Variants in DNAJA4 observed in about 807,000 individuals in gnomAD.
The protein encoded by DNAJA4 is dnaJ homolog subfamily A member 4.
Under a neutral mutation model 39.7 loss-of-function variants are expected in DNAJA4, and 32 were observed. The observed-to-expected ratio is 0.81, with a 90% CI of 0.61 to 1.08. DNAJA4 has a LOEUF of 1.08. Among genes scored for constraint, DNAJA4 ranks in the 50% least tolerant of loss-of-function variants. The pLI is 0.00. For missense variants in DNAJA4, 439 were observed against 505.1 expected (o/e 0.87, Z 1.25); for synonymous variants, 184 against 182.4 (o/e 1.01, Z -0.07).
intron 1 of DNAJA4, chr15:78,265,507 CA>C: frequency 2.8e-6 from 2 of 702,380 alleles, no homozygotes; most frequent in Admixed American, 4.0e-5. Context: ...AACCTGACAT[CA>C]GCTTGTACTC....
In DNAJA4 at chr15:78,279,973, C is replaced by G. The variant is rs570620349; in HGVS notation, c.878-72C>G. ...GGGGCACTAGGGCCTGCCGCAGGCTCTCCCATGAGGGAGAACGACCTCTGC... is the reference window on the plus strand; with the variant it reads ...GGGGCACTAGGGCCTGCCGCAGGCTGTCCCATGAGGGAGAACGACCTCTGC... On this transcript the variant is annotated intron_variant, in intron 5 of 6. Transcript: ENST00000394852. The surrounding 1 kb of genome is among the most constrained non-coding windows in gnomAD (Gnocchi z 4.5). 25 of 1,465,888 alleles carry G rather than the reference C, an allele frequency of 1.7e-5. 1 individual carries two copies. The African/African-American group carries it at 2.9e-4, about 17-fold the overall frequency. The allele number at this position is 1,465,888 out of a possible 1,614,324, so 90.8% of individuals were successfully genotyped here. A position where few individuals can be genotyped will look rare whatever the true frequency, so the allele number is the denominator to read the frequency against.
At chr15:78,276,392 G>A (rs368354600) in intron 5 of DNAJA4, among the ~76,000 whole-genome samples, 1 of 152,212 alleles carries the variant, frequency 6.6e-6, no homozygotes, top group South Asian at 2.1e-4. Context: ...CCTCTAGGCC[G>A]AAAGGGTTCC....
Position 78,264,624 on chromosome 15 carries a change from A to AAGC in DNAJA4, c.-139_-137dup. On this transcript the variant is annotated 5_prime_UTR_variant, in exon 1 of 7. Transcript: ENST00000394852. ...GGGGCGGGGGGCGGGCGGGAGCTAC[A>AAGC]AGCGGCGGCGGCGGCGGCGACCGTG... is the stretch of plus-strand genomic sequence containing the variant. The AAGC allele has an allele frequency of 1.1e-6, 1 of 947,522 alleles. No homozygotes were observed. The highest frequency in any genetic ancestry group is 5.0e-5 in the South Asian group (1 of 19,960). 58.7% of individuals were successfully genotyped at this position (947,522 alleles called of 1,614,324 possible).
chr15:78,274,574 C>T, intron 4 of DNAJA4, 150 bp downstream of exon 4: 2 of 708,288 alleles, frequency 2.8e-6, no homozygotes, highest in Non-Finnish European at 4.8e-6. Context: ...CCAGTCTTCT[C>T]TTCACCCTTC....
chr15:78,266,379 G>A (rs879128262), intron 1 of DNAJA4: 22 of 1,209,410 alleles, frequency 1.8e-5, no homozygotes, highest in Non-Finnish European at 2.5e-5. Flanking sequence ...GACTTGACCT[G>A]TACTACATAT....
intron 2 of DNAJA4, among the ~76,000 whole-genome samples, 188 bp downstream of exon 2, chr15:78,270,865 C>A (rs559526563): frequency 6.6e-6 from 1 of 151,852 alleles, no homozygotes; most frequent in Non-Finnish European, 1.5e-5. Context: ...CAAGACCAAC[C>A]GGGGCAACAT....
At chr15:78,278,575 C>T (rs1320870204) in intron 5 of DNAJA4, among the ~76,000 whole-genome samples, 3 of 152,202 alleles carry the variant, frequency 2.0e-5, no homozygotes, top group East Asian at 1.9e-4. Flanking sequence ...AGGAAAGGTG[C>T]AGTAAAAGTT....
intron 1 of DNAJA4, among the ~76,000 whole-genome samples, chr15:78,266,843 G>A (rs2049136118): frequency 6.6e-6 from 1 of 152,220 alleles, no homozygotes; most frequent in Non-Finnish European, 1.5e-5. Context: ...GTGCTAAAAT[G>A]TTTGTTAGCT....
intron 3 of DNAJA4, 114 bp from the exon 4 acceptor site, chr15:78,274,083 A>G: frequency 1.2e-6 from 1 of 851,152 alleles, no homozygotes; most frequent in Non-Finnish European, 1.8e-6. Context: ...TGTAAATAGA[A>G]TTCTAAGCCC....
At chr15:78,276,261 A>G (rs764415136) in intron 5 of DNAJA4, among the ~76,000 whole-genome samples, 5 of 152,254 alleles carry the variant, frequency 3.3e-5, no homozygotes, top group Admixed American at 6.5e-5. Flanking sequence ...GTTGTTCATT[A>G]CATGAGTTAC....
intron 4 of DNAJA4, chr15:78,275,295 C>G: frequency 1.7e-6 from 1 of 571,666 alleles, no homozygotes; most frequent in Non-Finnish European, 3.1e-6. Context: ...GCATGCTGGG[C>G]TTGGCCCCAC....
intron 5 of DNAJA4, among the ~76,000 whole-genome samples, chr15:78,278,615 A>T (rs1387280075): frequency 6.6e-6 from 1 of 152,038 alleles, no homozygotes; most frequent in East Asian, 1.9e-4. Flanking sequence ...ATCTTCATAA[A>T]TGTTGTTGAC....
In DNAJA4 at chr15:78,280,427, G is replaced by T. The variant is rs892720416; in HGVS notation, c.1161G>T (p.Gly387=). The change falls in exon 7 of 7, where the codon GGG becomes GGT. Residue 387 remains glycine, a synonymous_variant. Transcript: ENST00000394852. The stretch of plus-strand genomic sequence containing the variant: ...AGGCCTACGAGGAGGACGAAGACGG[G>T]CCCCAGGCTGGAGTGCAGTGCCAGA... ...HREAYEEDED[G]PQAGVQCQTA is the part of the protein sequence containing the mutation. 1 of 1,613,114 alleles carries T rather than the reference G, an allele frequency of 6.2e-7. No homozygotes were observed. Among genetic ancestry groups the T allele is most frequent in the Non-Finnish European group, 8.5e-7 (1 of 1,179,790 alleles).
At chr15:78,265,037 G>A in intron 1 of DNAJA4, 142 bp downstream of exon 1, 1 of 1,083,634 alleles carries the variant, frequency 9.2e-7, no homozygotes, top group Non-Finnish European at 1.3e-6. Flanking sequence ...CCGGGCAGAG[G>A]TGGCGGGAGA....
chr15:78,277,628 T>G (rs2049508106), intron 5 of DNAJA4, among the ~76,000 whole-genome samples: 1 of 152,158 alleles, frequency 6.6e-6, no homozygotes, highest in Non-Finnish European at 1.5e-5. Flanking sequence ...CTAGCCCTCC[T>G]GAGCCGGGGC....
intron 5 of DNAJA4, chr15:78,277,971 C>T (rs1004177432): frequency 1.8e-5 from 8 of 445,336 alleles, no homozygotes; most frequent in Non-Finnish European, 3.1e-5. Flanking sequence ...CTCTTTTCTT[C>T]ACCCCTCTTT....
chr15:78,269,693 T>C (rs1033305196), intron 1 of DNAJA4, among the ~76,000 whole-genome samples: 1 of 152,066 alleles, frequency 6.6e-6, no homozygotes, highest in African/African-American at 2.4e-5. Flanking sequence ...TCCAATAATG[T>C]CCTTTGTAGC....
chr15:78,277,466 C>T (rs1286022737), intron 5 of DNAJA4, among the ~76,000 whole-genome samples: 1 of 152,188 alleles, frequency 6.6e-6, no homozygotes, highest in Non-Finnish European at 1.5e-5. Flanking sequence ...AACACCTTCC[C>T]TTAGGCTTCC....
At chr15:78,273,066 G>A (rs187485011) in intron 2 of DNAJA4, 29 bp from the exon 3 acceptor site, 163 of 1,268,302 alleles carry the variant, frequency 1.3e-4, no homozygotes, top group Admixed American at 1.2e-3. Context: ...TTCATTCAAC[G>A]CCACTAATTT....
Sources: gnomAD v4.1 joint callset for allele counts (sites outside exome capture counted in the v4.1 genomes callset) on GRCh38, gnomAD v4.1.1 for gene constraint, Gnocchi (gnomAD v3.1) non-coding constraint, MANE v1.5 for transcripts, NCBI Gene and HGNC (gene_info 2026-07-23, HGNC 2026-07-21) for gene names.